ISM1: variants seen among roughly 807,000 people sequenced by gnomAD.
The protein encoded by ISM1 is isthmin-1.
Under a neutral mutation model 46.3 loss-of-function variants are expected in ISM1, and 25 were observed. The ratio of observed to expected loss-of-function variants is 0.54; its 90% CI spans 0.39 to 0.75. ISM1 has a LOEUF of 0.75. Ranked by LOEUF, ISM1 falls within the 30% of genes least tolerant of loss-of-function variation. ISM1 has a pLI of 0.00. For synonymous variants in ISM1, 255 were observed against 256.7 expected (o/e 0.99, Z 0.06); for missense variants, 536 against 625.4 (o/e 0.86, Z 1.52).
At chr20:13,305,690 A>C in the ISM1 span, among the ~76,000 whole-genome samples, 1 of 152,144 alleles carries the variant, frequency 6.6e-6, no homozygotes, top group African/African-American at 2.4e-5. Context: ...TGTTTTTCTG[A>C]GGCTTAGTAT....
At chr20:13,248,567 G>A (rs2039828760) in intron 1 of ISM1, among the ~76,000 whole-genome samples, 2 of 152,174 alleles carry the variant, frequency 1.3e-5, no homozygotes, top group African/African-American at 4.8e-5. Context: ...TTTACCTCTT[G>A]AGCCAGGCCT....
rs2039447436 is a variant in ISM1 at position 13,221,566 on chromosome 20, C to G, written c.-211C>G. 7.0e-6 allele frequency among the ~76,000 whole-genome samples: 1 copy of G among 143,166 alleles called. No homozygotes were observed. The highest frequency in any genetic ancestry group is 2.5e-5 in the African/African-American group (1 of 40,202). 93.9% of individuals were successfully genotyped at this position (143,166 alleles called of 152,430 possible). A position where few individuals can be genotyped will look rare whatever the true frequency, so the allele number is the denominator to read the frequency against. ...CTCCGCCGTGGTGCGGCGGCGGCGGCGGCGGCGGCGCCGGCAGCTCCTGCT... is the reference window on the plus strand; with the variant it reads ...CTCCGCCGTGGTGCGGCGGCGGCGGGGGCGGCGGCGCCGGCAGCTCCTGCT... On this transcript the variant is annotated 5_prime_UTR_variant, in exon 1 of 6. Transcript: ENST00000262487.
intron 1 of ISM1, among the ~76,000 whole-genome samples, chr20:13,263,242 A>G (rs2040007013): frequency 6.6e-6 from 1 of 152,178 alleles, no homozygotes; most frequent in Non-Finnish European, 1.5e-5. Context: ...GCAGCTGGTC[A>G]GCCTTGTCAT....
chr20:13,284,279 C>G (rs918207627), intron 3 of ISM1, among the ~76,000 whole-genome samples: 8 of 152,186 alleles, frequency 5.3e-5, no homozygotes, highest in Non-Finnish European at 1.0e-4. Flanking sequence ...GCCCACAGGA[C>G]GCTAGTGCCC....
At chr20:13,237,126 CAT>C (rs2039660249) in intron 1 of ISM1, among the ~76,000 whole-genome samples, 1 of 152,176 alleles carries the variant, frequency 6.6e-6, no homozygotes, top group Non-Finnish European at 1.5e-5. Context: ...CTGCAGCACA[CAT>C]GAAGTCCCTC....
At chr20:13,307,552 A>C in the ISM1 span, among the ~76,000 whole-genome samples, 1 of 152,228 alleles carries the variant, frequency 6.6e-6, no homozygotes, top group Non-Finnish European at 1.5e-5. Context: ...ACACAAAATA[A>C]ATAAGGCAAA....
chr20:13,304,259 T>C (rs762713190), downstream of ISM1, among the ~76,000 whole-genome samples: 7 of 152,246 alleles, frequency 4.6e-5, no homozygotes, highest in East Asian at 1.9e-4. Context: ...CAGAGATGGC[T>C]GCATGAGCAC....
At position 13,288,553 on chromosome 20, in the gene ISM1, C is replaced by A. The variant is rs200597077; in HGVS notation, c.657C>A (p.Gly219=). ...GCTGTCTTCCAGATTCCACAGATGG[C>A]GAGGGTGACTGGAGTCTCTGGTCTG... ...KDQPEYDSTD[G]EGDWSLWSVC... The change falls in exon 4 of 6, where the codon GGC becomes GGA. Residue 219 remains glycine (G), a synonymous_variant. Transcript: ENST00000262487. 243 of 1,613,706 alleles carry A rather than the reference C, an allele frequency of 1.5e-4. 1 individual carries two copies. Among genetic ancestry groups the A allele is most frequent in the Middle Eastern group, 1.3e-3 (8 of 6,060 alleles).
At chr20:13,288,196 G>T (rs778035899) in intron 3 of ISM1, among the ~76,000 whole-genome samples, 2 of 152,180 alleles carry the variant, frequency 1.3e-5, no homozygotes, top group Non-Finnish European at 2.9e-5. Flanking sequence ...TCAATGAGAG[G>T]CTATAAGCAC....
chr20:13,253,073 G>A (rs367654872), intron 1 of ISM1, among the ~76,000 whole-genome samples: 25 of 152,330 alleles, frequency 1.6e-4, no homozygotes, highest in African/African-American at 6.0e-4. Flanking sequence ...CAGCGAGGGA[G>A]AAATCAGTTG....
chr20:13,224,752 A>G (rs2039494528), intron 1 of ISM1, among the ~76,000 whole-genome samples: 1 of 152,180 alleles, frequency 6.6e-6, no homozygotes, highest in Admixed American at 6.5e-5. Context: ...AGTAGTAGTA[A>G]GAAAAGCAAC....
rs1335787830 is a variant in ISM1 at position 13,300,393 on chromosome 20, T to C, written c.*934T>C. The C allele has an allele frequency of 6.6e-6, 1 of 150,834 alleles. No homozygotes were observed. Among genetic ancestry groups the C allele is most frequent in the African/African-American group, 2.4e-5 (1 of 41,028 alleles). The allele number at this position is 150,834 out of a possible 1,614,324, so 9.3% of individuals were successfully genotyped here. On this transcript the variant is annotated 3_prime_UTR_variant, in exon 6 of 6. Transcript: ENST00000262487. Reference sequence around the variant, plus strand: ...AACAATTTTTTCATCTACCAATATATCCCCAATAAATAAATATAAAAGGGG... The same window carrying C: ...AACAATTTTTTCATCTACCAATATACCCCCAATAAATAAATATAAAAGGGG...
chr20:13,246,885 T>TG (rs1406113901), intron 1 of ISM1, among the ~76,000 whole-genome samples: 2 of 150,830 alleles, frequency 1.3e-5, no homozygotes, highest in Non-Finnish European at 3.0e-5. Context: ...CCTTCTCTCT[T>TG]TTTTTTTTAA....
chr20:13,308,418 A>C, the ISM1 span, among the ~76,000 whole-genome samples: 1 of 152,188 alleles, frequency 6.6e-6, no homozygotes. Flanking sequence ...GGCGATGAGG[A>C]AACAGAAACT....
intron 1 of ISM1, among the ~76,000 whole-genome samples, chr20:13,244,608 C>G (rs1449963314): frequency 6.6e-6 from 1 of 152,192 alleles, no homozygotes; most frequent in Non-Finnish European, 1.5e-5. Flanking sequence ...TTCCAGTTCA[C>G]AGGCATGGTA....
chr20:13,259,090 C>T (rs2039959589), intron 1 of ISM1, among the ~76,000 whole-genome samples: 1 of 152,110 alleles, frequency 6.6e-6, no homozygotes, highest in African/African-American at 2.4e-5. Flanking sequence ...CAAGACCAGC[C>T]TGGCCAACAT....
At chr20:13,317,075 A>C in the ISM1 span, among the ~76,000 whole-genome samples, 1 of 152,008 alleles carries the variant, frequency 6.6e-6, no homozygotes, top group Non-Finnish European at 1.5e-5. Context: ...GGAATTAATA[A>C]GCAATTATAG....
chr20:13,263,077 G>A (rs2123227288), intron 1 of ISM1, among the ~76,000 whole-genome samples: 1 of 152,270 alleles, frequency 6.6e-6, no homozygotes, highest in African/African-American at 2.4e-5. Context: ...AGCAAAGACT[G>A]AAGCATACGT....
intron 1 of ISM1, among the ~76,000 whole-genome samples, chr20:13,229,160 T>C (rs1044921338): frequency 2.0e-5 from 3 of 152,124 alleles, no homozygotes; most frequent in African/African-American, 7.2e-5. Context: ...CTTTCTGCAT[T>C]TTTTAAAGTT....
Sources: gnomAD v4.1 joint callset for allele counts (sites outside exome capture counted in the v4.1 genomes callset) on GRCh38, gnomAD v4.1.1 for gene constraint, MANE v1.5 for transcripts, NCBI Gene and HGNC (gene_info 2026-07-23, HGNC 2026-07-21) for gene names.